The following MAD1L1 variants were observed in gnomAD, a reference collection of about 807,000 sequenced individuals.
MAD1L1 encodes the protein mitotic arrest deficient 1 like 1.
MAD1L1 carries 95 observed loss-of-function variants against 96.9 expected under a neutral mutation model. The observed-to-expected ratio is 0.98, with a 90% CI of 0.83 to 1.16. MAD1L1 has a LOEUF of 1.16. Ranked by LOEUF, MAD1L1 falls within the 50% of genes most tolerant of loss-of-function variation. The pLI, the probability that MAD1L1 is intolerant of heterozygous loss-of-function variation, is 0.00. For missense variants in MAD1L1, 1,007 were observed against 954.4 expected (o/e 1.06, Z -0.73); for synonymous variants, 473 against 396.6 (o/e 1.19, Z -2.29).
At chr7:2,102,133 C>T (rs1449246989) in intron 11 of MAD1L1, among the ~76,000 whole-genome samples, 1 of 152,090 alleles carries the variant, frequency 6.6e-6, no homozygotes, top group Non-Finnish European at 1.5e-5. Context: ...CAACAGATGC[C>T]AAGTCCTGCC....
At chr7:1,823,833 T>C (rs1355757701) in intron 18 of MAD1L1, among the ~76,000 whole-genome samples, 1 of 152,170 alleles carries the variant, frequency 6.6e-6, no homozygotes, top group African/African-American at 2.4e-5. Context: ...TATTTCATGC[T>C]TGGATCTGCA....
chr7:2,167,257 T>C (rs1325327457), intron 10 of MAD1L1, among the ~76,000 whole-genome samples: 2 of 152,164 alleles, frequency 1.3e-5, no homozygotes, highest in Admixed American at 6.5e-5. Context: ...CCTTTAGTCA[T>C]GATTAGCAGG....
At chr7:2,042,210 C>CACATGG (rs1783715155) in intron 12 of MAD1L1, among the ~76,000 whole-genome samples, 1 of 132,914 alleles carries the variant, frequency 7.5e-6, no homozygotes, top group Non-Finnish European at 1.6e-5. Context: ...CACAGACACG[C>CACATGG]ACACAGACGT....
At chr7:2,094,866 G>A (rs998180633) in intron 11 of MAD1L1, among the ~76,000 whole-genome samples, 1 of 152,218 alleles carries the variant, frequency 6.6e-6, no homozygotes, top group Non-Finnish European at 1.5e-5. Flanking sequence ...AGGAAGTGGG[G>A]GGGCAGGAGG....
At chr7:1,830,032 G>C (rs1782628469) in intron 18 of MAD1L1, among the ~76,000 whole-genome samples, 1 of 152,132 alleles carries the variant, frequency 6.6e-6, no homozygotes, top group Non-Finnish European at 1.5e-5. Context: ...ATCCCAAAAA[G>C]CAGCTGATTC....
rs150408862 is a variant in MAD1L1 at position 2,014,560 on chromosome 7, C to T, written c.1301G>A (p.Arg434His). The T allele has an allele frequency of 4.4e-5, 71 of 1,611,328 alleles. No homozygotes were observed. Among genetic ancestry groups the T allele is most frequent in the South Asian group, 7.7e-5 (7 of 90,958 alleles). ...CACCATATCCTCAGCCTCCCGCATG[C>T]GCCGCGTCAGCTGGGGTGAGTACTC... is the stretch of plus-strand genomic sequence containing the variant. Reference protein sequence around the residue: ...PAEYSPQLTRRMREAEDMVQK... With the variant: ...PAEYSPQLTRHMREAEDMVQK... The change falls in exon 13 of 19, where the codon CGC becomes CAC. Residue 434 changes from arginine to histidine, a missense_variant. Coordinates refer to ENST00000265854, the MANE Select transcript of MAD1L1 (RefSeq NM_001013836.2).
At chr7:2,172,072 G>A (rs1275858433) in intron 10 of MAD1L1, among the ~76,000 whole-genome samples, 2 of 152,138 alleles carry the variant, frequency 1.3e-5, no homozygotes, top group African/African-American at 4.8e-5. Flanking sequence ...TCTCCTGCCT[G>A]TACTTCCTCA....
intron 15 of MAD1L1, 98 bp from the exon 16 acceptor site, chr7:1,957,817 C>G: frequency 1.1e-6 from 1 of 919,810 alleles, no homozygotes; most frequent in Admixed American, 2.0e-5. Context: ...TTAGGAGACC[C>G]AGCTATACAG....
At chr7:1,992,889 G>A (rs1041729604) in intron 14 of MAD1L1, among the ~76,000 whole-genome samples, 2 of 152,162 alleles carry the variant, frequency 1.3e-5, no homozygotes, top group Non-Finnish European at 2.9e-5. Context: ...AACGGGATCA[G>A]CTTATGGAAG....
chr7:1,871,752 C>T (rs1029561957), intron 18 of MAD1L1, among the ~76,000 whole-genome samples: 1 of 152,180 alleles, frequency 6.6e-6, no homozygotes, highest in Non-Finnish European at 1.5e-5. Context: ...ATACGCCTGC[C>T]ACGCTGAACC....
At chr7:1,945,422 T>C (rs1779184327) in intron 16 of MAD1L1, among the ~76,000 whole-genome samples, 1 of 152,092 alleles carries the variant, frequency 6.6e-6, no homozygotes, top group African/African-American at 2.4e-5. Context: ...GTGGCTAGAG[T>C]GGTTAGAGTA....
chr7:2,030,546 A>T (rs1357752097), intron 12 of MAD1L1, among the ~76,000 whole-genome samples: 2 of 152,220 alleles, frequency 1.3e-5, no homozygotes, highest in African/African-American at 4.8e-5. Context: ...TGATGTGCAG[A>T]GGCCCCTGGG....
chr7:2,014,851 C>T (rs1003347595), intron 12 of MAD1L1, among the ~76,000 whole-genome samples: 2 of 152,236 alleles, frequency 1.3e-5, no homozygotes, highest in African/African-American at 2.4e-5. Context: ...ATGCCAGCAG[C>T]CCTGGCTTTG....
At chr7:1,894,123 T>A (rs1260390750) in intron 18 of MAD1L1, among the ~76,000 whole-genome samples, 1 of 152,116 alleles carries the variant, frequency 6.6e-6, no homozygotes, top group Non-Finnish European at 1.5e-5. Flanking sequence ...GTGTCCTGGA[T>A]ACAAAGGAGG....
intron 18 of MAD1L1, among the ~76,000 whole-genome samples, chr7:1,859,553 T>C (rs1424507377): frequency 6.6e-6 from 1 of 152,148 alleles, no homozygotes; most frequent in Non-Finnish European, 1.5e-5. Flanking sequence ...TGCCAGGACT[T>C]TATGTTTTTC....
At chr7:1,855,684 C>T (rs548207128) in intron 18 of MAD1L1, among the ~76,000 whole-genome samples, 1 of 152,296 alleles carries the variant, frequency 6.6e-6, no homozygotes, top group Non-Finnish European at 1.5e-5. Flanking sequence ...ATGGGGGCTC[C>T]CTCCACAGTG....
At chr7:1,898,574 G>A (rs1787044051) in intron 17 of MAD1L1, among the ~76,000 whole-genome samples, 184 bp from the exon 18 acceptor site, 1 of 152,170 alleles carries the variant, frequency 6.6e-6, no homozygotes, top group Non-Finnish European at 1.5e-5. Flanking sequence ...GGGAGTGAGG[G>A]GTGAGCTGAT....
intron 16 of MAD1L1, among the ~76,000 whole-genome samples, chr7:1,945,055 G>T (rs117981070): frequency 1.3e-5 from 2 of 152,182 alleles, no homozygotes; most frequent in African/African-American, 4.8e-5. Context: ...AGTGGACACC[G>T]AGACCCTCCC....
rs1288295144 is a variant in MAD1L1, at chr7:1,919,120, G to A, written c.1807+17567C>T. 5.9e-5 allele frequency among the ~76,000 whole-genome samples: 9 copies of A among 152,350 alleles called. No homozygotes were observed. In the East Asian group the frequency reaches 1.7e-3, roughly 29 times the overall value. ...TCTGCAGAGATCGTCCGCCTGTCAC[G>A]CTCACCCTTGGTGCGGGGACAGACG... On this transcript the variant is annotated intron_variant, in intron 17 of 18. Transcript: ENST00000265854.
Sources: allele counts gnomAD v4.1 joint callset (sites outside exome capture counted in the v4.1 genomes callset), GRCh38; gene constraint gnomAD v4.1.1; transcripts MANE v1.5; gene names NCBI Gene and HGNC (gene_info 2026-07-23, HGNC 2026-07-21).